ASTN2: variants seen among roughly 807,000 people sequenced by gnomAD.
The protein encoded by ASTN2 is astrotactin 2.
A neutral mutation model predicts 139.8 loss-of-function variants in ASTN2; 54 were observed. The observed-to-expected ratio is 0.39, with a 90% confidence interval of 0.31 to 0.48. ASTN2 has a LOEUF of 0.48. Ranked by LOEUF, ASTN2 falls within the 20% of genes least tolerant of loss-of-function variation. The probability of loss-of-function intolerance (pLI) is 0.95; values close to 1 mark genes in which losing one functional copy is unlikely to be tolerated. For missense variants in ASTN2, 1,565 were observed against 1,725.1 expected, an observed-to-expected ratio of 0.91 and a Z score of 1.64; for synonymous variants, 756 against 719.5, an observed-to-expected ratio of 1.05 and a Z score of -0.81.
At chr9:116,803,522 A>ATATATATTTTTTT (rs1554748694) in intron 13 of ASTN2, among the ~76,000 whole-genome samples, 1 of 21,136 alleles carries the variant, frequency 4.7e-5, no homozygotes, top group Non-Finnish European at 8.0e-5. Context: ...ATATATATAT[A>ATATATATTTTTTT]TTTTTTTTTT....
intron 1 of ASTN2, among the ~76,000 whole-genome samples, chr9:117,402,103 G>C (rs931574751): frequency 2.0e-4 from 30 of 152,290 alleles, no homozygotes; most frequent in African/African-American, 7.2e-4. Context: ...GTCTTGTTCT[G>C]TCACCCAGGC....
At chr9:116,942,805 A>T (rs1042522687) in intron 10 of ASTN2, among the ~76,000 whole-genome samples, 2 of 152,216 alleles carry the variant, frequency 1.3e-5, no homozygotes, top group Admixed American at 1.3e-4. Context: ...AAAAGCAAGG[A>T]CTTCAGGGAA....
At chr9:116,658,352 A>G (rs1397092567) in intron 16 of ASTN2, among the ~76,000 whole-genome samples, 3 of 151,452 alleles carry the variant, frequency 2.0e-5, no homozygotes, top group Admixed American at 6.6e-5. Flanking sequence ...ATTAGCCCAA[A>G]CCCCCAGAGG....
chr9:117,259,183 T>C (rs1833762764), intron 2 of ASTN2, among the ~76,000 whole-genome samples: 1 of 152,146 alleles, frequency 6.6e-6, no homozygotes, highest in Admixed American at 6.5e-5. Flanking sequence ...GGGCTTCACC[T>C]CTCTGTAGCT....
intron 19 of ASTN2, among the ~76,000 whole-genome samples, chr9:116,492,426 G>T (rs1849543924): frequency 1.3e-5 from 2 of 152,088 alleles, no homozygotes; most frequent in Admixed American, 1.3e-4. Context: ...TAGAGATAAG[G>T]ACTCTTAAAG....
At position 116,698,213 on chromosome 9, in the gene ASTN2, G is replaced by A; in HGVS notation, c.2806+27558C>T. On this transcript the variant is annotated intron_variant, in intron 16 of 22. Transcript: ENST00000313400. The surrounding 1 kb of genome is among the most constrained non-coding windows in gnomAD (Gnocchi z 4.4). ...TTGGAGAGAAGTTAACTCGTCTGCG[G>A]GAACTTATGGGGGAGCTGCAGCGGC... 5 of 1,614,160 alleles carry A rather than the reference G, an allele frequency of 3.1e-6. No homozygotes were observed. The highest frequency in any genetic ancestry group is 4.2e-6 in the Non-Finnish European group (5 of 1,180,036).
intron 20 of ASTN2, among the ~76,000 whole-genome samples, chr9:116,468,607 C>A (rs969456608): frequency 6.6e-6 from 1 of 152,186 alleles, no homozygotes; most frequent in South Asian, 2.1e-4. Context: ...GGAACAGCTT[C>A]CCAAATTACT....
At chr9:117,400,332 T>C (rs908376051) in intron 1 of ASTN2, among the ~76,000 whole-genome samples, 27 of 152,238 alleles carry the variant, frequency 1.8e-4, no homozygotes, top group Non-Finnish European at 1.2e-4. Flanking sequence ...CATCAGTCTT[T>C]CCACCTGCTG....
At chr9:116,777,195 C>A (rs1588284534) in intron 13 of ASTN2, among the ~76,000 whole-genome samples, 1 of 152,174 alleles carries the variant, frequency 6.6e-6, no homozygotes, top group East Asian at 1.9e-4. Flanking sequence ...TCTCTCTGGT[C>A]TGGAAAAGAA....
At chr9:116,670,354 C>T (rs951091564) in intron 16 of ASTN2, among the ~76,000 whole-genome samples, 5 of 152,078 alleles carry the variant, frequency 3.3e-5, no homozygotes, top group Non-Finnish European at 5.9e-5. Context: ...TCCACAAGGG[C>T]AGGAGGTAGA....
At chr9:116,523,239 A>G (rs1199627620) in intron 19 of ASTN2, among the ~76,000 whole-genome samples, 1 of 151,944 alleles carries the variant, frequency 6.6e-6, no homozygotes, top group Non-Finnish European at 1.5e-5. Flanking sequence ...AAGTGACAGA[A>G]GGCAGTGTGG....
At chr9:117,250,062 C>T (rs1833494722) in intron 2 of ASTN2, among the ~76,000 whole-genome samples, 1 of 152,218 alleles carries the variant, frequency 6.6e-6, no homozygotes, top group Admixed American at 6.5e-5. Context: ...CCATTGCCCA[C>T]TGCCCCCGCA....
chr9:116,585,214 C>T (rs1457623215), intron 19 of ASTN2: 1 of 152,156 alleles, frequency 6.6e-6, no homozygotes, highest in Non-Finnish European at 1.5e-5. Flanking sequence ...ATTCAAATCC[C>T]AATTCTGCCT....
intron 17 of ASTN2, among the ~76,000 whole-genome samples, chr9:116,627,563 T>C (rs1159127603): frequency 1.3e-5 from 2 of 152,202 alleles, no homozygotes; most frequent in Non-Finnish European, 2.9e-5. Context: ...TTAATATACA[T>C]TATATCATTT....
chr9:116,563,730 A>C (rs1291511883), intron 19 of ASTN2, among the ~76,000 whole-genome samples: 1 of 151,970 alleles, frequency 6.6e-6, no homozygotes, highest in African/African-American at 2.4e-5. Context: ...TTTATTTTGT[A>C]CTTTTTTCCT....
chr9:116,569,804 C>T (rs988528767), intron 19 of ASTN2, among the ~76,000 whole-genome samples: 59 of 152,304 alleles, frequency 3.9e-4, no homozygotes, highest in African/African-American at 1.3e-3. Flanking sequence ...ATATTGATAC[C>T]TAAGTGGAGA....
At chr9:116,851,486 CTA>C (rs1832602505) in intron 11 of ASTN2, among the ~76,000 whole-genome samples, 1 of 89,414 alleles carries the variant, frequency 1.1e-5, no homozygotes, top group Non-Finnish European at 2.7e-5. Context: ...ATCTATCTAT[CTA>C]TCTATCTATC....
intron 2 of ASTN2, among the ~76,000 whole-genome samples, chr9:117,238,169 C>G (rs957235844): frequency 6.6e-6 from 1 of 152,158 alleles, no homozygotes; most frequent in Non-Finnish European, 1.5e-5. Flanking sequence ...GGCAAAGACC[C>G]ACTTGTGGAG....
At chr9:116,903,639 G>A (rs1834077818) in intron 10 of ASTN2, among the ~76,000 whole-genome samples, 1 of 152,184 alleles carries the variant, frequency 6.6e-6, no homozygotes, top group Non-Finnish European at 1.5e-5. Context: ...TTCTGGATAT[G>A]AGACATACTC....
Sources: allele counts gnomAD v4.1 joint callset (sites outside exome capture counted in the v4.1 genomes callset), GRCh38; gene constraint gnomAD v4.1.1; non-coding constraint Gnocchi (gnomAD v3.1); transcripts MANE v1.5; gene names NCBI Gene and HGNC (gene_info 2026-07-23, HGNC 2026-07-21).